Variants in FANCD2 observed in about 807,000 individuals in gnomAD.
FANCD2 encodes the protein FA complementation group D2, also known as Fanconi anemia group D2 protein.
FANCD2 carries 131 observed loss-of-function variants against 192.3 expected under a neutral mutation model. The ratio of observed to expected loss-of-function variants is 0.68; its 90% confidence interval spans 0.59 to 0.79. The LOEUF is 0.79. FANCD2 is among the 30% of genes least tolerant of loss of function. The pLI is 0.00. For missense variants in FANCD2, 1,508 were observed against 1,701.6 expected, an observed-to-expected ratio of 0.89 and a Z score of 2.00; for synonymous variants, 524 against 612.5, an observed-to-expected ratio of 0.86 and a Z score of 2.13.
At chr3:10,064,505 C>T in intron 22 of FANCD2, 76 bp downstream of exon 22, 1 of 1,401,918 alleles carries the variant, frequency 7.1e-7, no homozygotes, top group Non-Finnish European at 1.0e-6. Flanking sequence ...ATACAAACTT[C>T]AGAATACCCT....
intron 26 of FANCD2, among the ~76,000 whole-genome samples, chr3:10,068,021 T>C (rs2087768990): frequency 1.3e-5 from 2 of 152,152 alleles, no homozygotes; most frequent in Admixed American, 1.3e-4. Flanking sequence ...GATCCATAGC[T>C]ACTATTAAAC....
At chr3:10,098,096 A>G (rs768250261) in intron 42 of FANCD2, among the ~76,000 whole-genome samples, 14 of 152,176 alleles carry the variant, frequency 9.2e-5, no homozygotes, top group Non-Finnish European at 1.8e-4. Context: ...TTTCATGCTT[A>G]CAATATCTGA....
At chr3:10,084,356 A>G (rs977092507) in intron 32 of FANCD2, among the ~76,000 whole-genome samples, 9 of 151,056 alleles carry the variant, frequency 6.0e-5, no homozygotes, top group African/African-American at 2.2e-4. Flanking sequence ...TAGTAACACA[A>G]TCACAGCTCA....
In FANCD2 at chr3:10,034,543, A is replaced by AT. The variant is rs758809407; in HGVS notation, c.273+12dup. On this transcript the variant is annotated splice_region_variant and intron_variant, in intron 4 of 43. Coordinates refer to ENST00000675286, the MANE Select transcript of FANCD2 (RefSeq NM_001018115.3). ...ACACCCTTCCTATCCCAAAGTATGT[A>AT]TTTTTCCCCTGGTATTTTTGCTTGT... 5 of 1,606,464 alleles carry AT rather than the reference A, an allele frequency of 3.1e-6. No individual in the cohort carries two copies. The highest frequency in any genetic ancestry group is 2.6e-6 in the Non-Finnish European group (3 of 1,173,140).
Position 10,078,130 on chromosome 3 carries a change from A to G in FANCD2, c.2909A>G (p.Glu970Gly). Residue 970 changes from glutamate (E) to glycine (G), a missense_variant, in exon 30 of 44, where the codon GAA (glutamate) becomes GGA (glycine). Around this residue, in one of 5 missense-constraint regions of FANCD2, gnomAD observed 796 missense variants for 879.4 expected, o/e 0.91. Transcript: ENST00000675286. ...LGPPELLFLL[E>G]DLSQKLESML... ...CCCCCTGAGCTGCTTTTCTTGCTGG[A>G]AGATCTCTCCCAGAAGCTGGAGAGT... is the stretch of plus-strand genomic sequence containing the variant. The G allele has an allele frequency of 4.3e-6, 7 of 1,613,976 alleles. No individual in the cohort carries two copies. The highest frequency in any genetic ancestry group is 5.9e-6 in the Non-Finnish European group (7 of 1,179,898).
intron 32 of FANCD2, among the ~76,000 whole-genome samples, chr3:10,085,160 A>G (rs1404093456): frequency 6.6e-6 from 1 of 152,204 alleles, no homozygotes; most frequent in Non-Finnish European, 1.5e-5. Flanking sequence ...AGAAGACTAC[A>G]TATCTCTAAA....
At chr3:10,042,285 A>T (rs2086885391) in intron 10 of FANCD2, among the ~76,000 whole-genome samples, 1 of 152,172 alleles carries the variant, frequency 6.6e-6, no homozygotes, top group African/African-American at 2.4e-5. Context: ...AATACTTTTT[A>T]TGCCTTACTG....
chr3:10,035,194 G>C lies in FANCD2; in HGVS notation c.399G>C (p.Lys133Asn). 3 of 1,613,568 alleles carry C rather than the reference G, an allele frequency of 1.9e-6. No individual in the cohort carries two copies. Among genetic ancestry groups the C allele is most frequent in the Non-Finnish European group, 2.5e-6 (3 of 1,179,722 alleles). ...EEASMGASYS[K>N]SLIKLLLGID... ...ACAGTATGGGTGCATCTTATTCTAA[G>C]AGTCTCATCAAACTGCTTCTGGGGA... Residue 133 changes from lysine (K) to asparagine (N), a missense_variant, in exon 6 of 44, where the codon AAG (lysine) becomes AAC (asparagine). This residue lies in a region of FANCD2 where 435 missense variants were observed against 421.9 expected (regional missense o/e 1.03). Coordinates refer to ENST00000675286, the MANE Select transcript of FANCD2 (RefSeq NM_001018115.3).
intron 28 of FANCD2, among the ~76,000 whole-genome samples, chr3:10,073,890 C>T (rs1325528351): frequency 6.6e-6 from 1 of 152,170 alleles, no homozygotes; most frequent in Admixed American, 6.5e-5. Context: ...TTAATAAATG[C>T]TGGAGCTGGG....
intron 32 of FANCD2, among the ~76,000 whole-genome samples, chr3:10,083,372 A>C (rs1012901596): frequency 1.2e-4 from 19 of 152,262 alleles, no homozygotes; most frequent in Non-Finnish European, 2.6e-4. Flanking sequence ...GCACAATGAG[A>C]TAGCACAACA....
At chr3:10,054,642 C>T (rs540984284) in intron 18 of FANCD2, among the ~76,000 whole-genome samples, 2 of 149,140 alleles carry the variant, frequency 1.3e-5, no homozygotes, top group East Asian at 3.9e-4. Flanking sequence ...CGCCACCACG[C>T]CCGGCTAATT....
chr3:10,036,086 C>CTTTTTTTTTTTTTTTTTTTTTT lies in FANCD2; in HGVS notation c.439-182_439-181insTTTTTTTTTTTTTTTTTTTTTT, dbSNP rs532765216. On this transcript the variant is annotated intron_variant, in intron 6 of 43. Transcript: ENST00000675286. ...TAGTTGGAAAGAGAATTATACATTTCTTTTTTTTTTTTTTTTTTTGAGTCA... is the reference window on the plus strand; with the variant it reads ...TAGTTGGAAAGAGAATTATACATTTCTTTTTTTTTTTTTTTTTTTTTTTTTTTTTTTTTTTTTTTTTGAGTCA... Among the ~76,000 whole-genome samples the CTTTTTTTTTTTTTTTTTTTTTT allele has an allele frequency of 6.2e-3, 636 of 102,494 alleles. 62 individuals carry two copies. Among genetic ancestry groups the CTTTTTTTTTTTTTTTTTTTTTT allele is most frequent in the African/African-American group, 8.9e-3 (214 of 23,954 alleles). The allele number at this position is 102,494 out of a possible 152,430, so 67.2% of individuals were successfully genotyped here. A position where few individuals can be genotyped will look rare whatever the true frequency, so the allele number is the denominator to read the frequency against.
intron 18 of FANCD2, among the ~76,000 whole-genome samples, chr3:10,055,828 T>A (rs946452183): frequency 2.0e-5 from 3 of 150,298 alleles, no homozygotes; most frequent in Admixed American, 6.6e-5. Flanking sequence ...AAAATAATAA[T>A]AAATAAATAA....
intron 7 of FANCD2, among the ~76,000 whole-genome samples, 155 bp from the exon 8 acceptor site, chr3:10,039,124 T>C (rs1048123766): frequency 5.3e-5 from 8 of 152,200 alleles, no homozygotes; most frequent in African/African-American, 1.7e-4. Context: ...TCCTGCATCT[T>C]GGGTATCACT....
intron 18 of FANCD2, among the ~76,000 whole-genome samples, chr3:10,053,874 A>G (rs1231001881): frequency 2.0e-5 from 3 of 152,118 alleles, no homozygotes; most frequent in Admixed American, 2.0e-4. Context: ...CTTGTTTTCT[A>G]AGAAACATCT....
chr3:10,074,544 G>T lies in FANCD2; in HGVS notation c.2730G>T (p.Lys910Asn), dbSNP rs369241246. ...CTTCCCCATAGGAGTTCACAGGGAA[G>T]GAAGAAAAGACATCATTGTTACTAC... ...RGQLNKEFTG[K>N]EEKTSLLLHN... The change falls in exon 29 of 44, where the codon AAG becomes AAT. Residue 910 changes from lysine (K) to asparagine (N), a missense_variant. This residue lies in a region of FANCD2 where 796 missense variants were observed against 879.4 expected (regional missense o/e 0.91). Transcript: ENST00000675286. The T allele has an allele frequency of 1.9e-6, 3 of 1,613,482 alleles. No homozygotes were observed. Among genetic ancestry groups the T allele is most frequent in the Non-Finnish European group, 2.5e-6 (3 of 1,179,814 alleles).
Position 10,081,635 on chromosome 3 carries a change from C to T in FANCD2, c.3224+171C>T, listed in dbSNP as rs34175149. 3,610 of 683,312 alleles carry T rather than the reference C, an allele frequency of 5.3e-3. 19 individuals are homozygous for T. Among genetic ancestry groups the T allele is most frequent in the South Asian group, 8.3e-3 (519 of 62,692 alleles). The allele number at this position is 683,312 out of a possible 1,614,324, so 42.3% of individuals were successfully genotyped here. A position where few individuals can be genotyped will look rare whatever the true frequency, so the allele number is the denominator to read the frequency against. ...CTGTATTATTTCATTTGATCTTGTA[C>T]CCTCTGAGTCCTTTGGAGCCACTAT... is the stretch of plus-strand genomic sequence containing the variant. On this transcript the variant is annotated intron_variant, in intron 32 of 43. Transcript: ENST00000675286.
intron 34 of FANCD2, 56 bp from the exon 35 acceptor site, chr3:10,088,393 G>C: frequency 1.9e-6 from 2 of 1,054,514 alleles, no homozygotes; most frequent in South Asian, 2.5e-5. Context: ...AACCTGAAAA[G>C]CAAGAATGAG....
chr3:10,049,247 A>T, intron 16 of FANCD2, 127 bp from the exon 17 acceptor site: 2 of 932,122 alleles, frequency 2.1e-6, no homozygotes, highest in Non-Finnish European at 3.4e-6. Flanking sequence ...ACTAGATAAT[A>T]GGTGATGGGT....
Sources: gnomAD v4.1 joint callset for allele counts (sites outside exome capture counted in the v4.1 genomes callset) on GRCh38, gnomAD v4.1.1 for gene constraint, gnomAD v4.1.1 regional missense constraint, MANE v1.5 for transcripts, NCBI Gene and HGNC (gene_info 2026-07-23, HGNC 2026-07-21) for gene names.